EPS15L1: variants seen among roughly 807,000 people sequenced by gnomAD.
EPS15L1 encodes epidermal growth factor receptor substrate 15-like 1.
Under a neutral mutation model 117.1 loss-of-function variants are expected in EPS15L1, and 43 were observed. The observed-to-expected ratio is 0.37, with a 90% CI of 0.29 to 0.47. The LOEUF is 0.47. Among genes scored for constraint, EPS15L1 ranks in the 20% least tolerant of loss-of-function variants. EPS15L1 has a pLI of 0.99. For synonymous variants in EPS15L1, 459 were observed against 470.5 expected (o/e 0.98, Z 0.32); for missense variants, 981 against 1,164.0 (o/e 0.84, Z 2.29).
rs2092356418 is a variant in EPS15L1, at chr19:16,381,027, C to G, written c.2248-3773G>C. On this transcript the variant is annotated intron_variant, in intron 21 of 23. Coordinates refer to ENST00000455140, the MANE Select transcript of EPS15L1 (RefSeq NM_001258374.3). The surrounding 1 kb of genome is among the most constrained non-coding windows in gnomAD (Gnocchi z 4.2). The stretch of plus-strand genomic sequence containing the variant: ...AAGAGGCAGCCTACCCATTCCAGGT[C>G]CCCCCGATAAGGGCAGTGGCAGGTG... Among the ~76,000 whole-genome samples the G allele has an allele frequency of 6.6e-6, 1 of 152,210 alleles. No homozygotes were observed. The highest frequency in any genetic ancestry group is 6.5e-5 in the Admixed American group (1 of 15,292).
intron 13 of EPS15L1, among the ~76,000 whole-genome samples, chr19:16,408,298 G>T (rs2092675973): frequency 6.6e-6 from 1 of 152,102 alleles, no homozygotes; most frequent in African/African-American, 2.4e-5. Context: ...ATCCCAGCTG[G>T]CTTCTTTGCA....
intron 1 of EPS15L1, among the ~76,000 whole-genome samples, chr19:16,453,796 T>C (rs907917810): frequency 5.3e-5 from 8 of 151,434 alleles, no homozygotes; most frequent in African/African-American, 1.9e-4. Context: ...CTCAGCATCA[T>C]GCAATACTCT....
chr19:16,442,216 G>A lies in EPS15L1; in HGVS notation c.37C>T (p.Pro13Ser). 7 of 1,613,378 alleles carry A rather than the reference G, an allele frequency of 4.3e-6. No homozygotes were observed. The highest frequency in any genetic ancestry group is 5.9e-6 in the Non-Finnish European group (7 of 1,179,400). ...APLIPLSQQI[P>S]TGNSLYESYY... ...GATTCATACAACGAATTTCCAGTGG[G>A]AATCTGTAAATGAAACCACAGATAT... The change falls in exon 2 of 24, where the codon CCC becomes TCC. Residue 13 changes from proline to serine, a missense_variant. Pro to Ser is a moderately conservative substitution (Grantham distance 74). This residue lies in a region of EPS15L1 where 37 missense variants were observed against 21.2 expected (regional missense o/e 1.75). Coordinates refer to ENST00000455140, the MANE Select transcript of EPS15L1 (RefSeq NM_001258374.3).
At chr19:16,382,106 G>A (rs558939713) in intron 21 of EPS15L1, among the ~76,000 whole-genome samples, 2 of 152,302 alleles carry the variant, frequency 1.3e-5, no homozygotes, top group Admixed American at 6.5e-5. Flanking sequence ...CAGGCTGACC[G>A]GGGACACCTC....
At chr19:16,469,852 A>C (rs1292527230) in intron 1 of EPS15L1, among the ~76,000 whole-genome samples, 2 of 152,208 alleles carry the variant, frequency 1.3e-5, no homozygotes, top group East Asian at 3.9e-4. Flanking sequence ...CCAACCAAAA[A>C]TTTTGGAATT....
intron 7 of EPS15L1, among the ~76,000 whole-genome samples, chr19:16,431,651 A>G (rs947184785): frequency 6.6e-6 from 1 of 152,194 alleles, no homozygotes; most frequent in African/African-American, 2.4e-5. Context: ...AACTATAGCT[A>G]ACAATAATTT....
intron 1 of EPS15L1, among the ~76,000 whole-genome samples, chr19:16,461,251 C>A (rs1328071893): frequency 6.6e-6 from 1 of 150,682 alleles, no homozygotes; most frequent in Non-Finnish European, 1.5e-5. Flanking sequence ...TTGCAGTGAG[C>A]CGAGATTGCG....
chr19:16,393,904 G>A, intron 18 of EPS15L1, 47 bp downstream of exon 18: 1 of 1,592,668 alleles, frequency 6.3e-7, no homozygotes, highest in African/African-American at 1.3e-5. Flanking sequence ...TTCTGAGCCA[G>A]GACTGGACAC....
chr19:16,403,131 A>G (rs1453660274), intron 15 of EPS15L1, among the ~76,000 whole-genome samples: 1 of 152,202 alleles, frequency 6.6e-6, no homozygotes, highest in Non-Finnish European at 1.5e-5. Context: ...TGTCACAACC[A>G]CTGTGTAGAC....
chr19:16,459,977 G>T (rs1251109193), intron 1 of EPS15L1, among the ~76,000 whole-genome samples: 1 of 152,142 alleles, frequency 6.6e-6, no homozygotes, highest in Non-Finnish European at 1.5e-5. Flanking sequence ...CAACATCTAG[G>T]ATAGAACAAT....
chr19:16,440,986 C>G (rs1184168602), intron 3 of EPS15L1, 77 bp from the exon 4 acceptor site: 1 of 1,389,184 alleles, frequency 7.2e-7, no homozygotes, highest in African/African-American at 1.4e-5. Context: ...GAGCCGCCAC[C>G]ACCCCATCAC....
intron 13 of EPS15L1, among the ~76,000 whole-genome samples, chr19:16,412,424 C>A (rs1157301810): frequency 6.6e-6 from 1 of 151,860 alleles, no homozygotes; most frequent in Admixed American, 6.6e-5. Flanking sequence ...CGCTTGAACC[C>A]AGGAGGCGGA....
chr19:16,359,406 T>C (rs892935948), intron 23 of EPS15L1, among the ~76,000 whole-genome samples: 1 of 152,076 alleles, frequency 6.6e-6, no homozygotes, highest in East Asian at 1.9e-4. Context: ...GGAGAGCTGG[T>C]TATGGATGAT....
Position 16,428,704 on chromosome 19 carries a change from C to A in EPS15L1, c.556G>T (p.Val186Leu), listed in dbSNP as rs2092901963. 1 of 1,611,326 alleles carries A rather than the reference C, an allele frequency of 6.2e-7. No homozygotes were observed. The highest frequency in any genetic ancestry group is 2.2e-5 in the East Asian group (1 of 44,848). ...DGHLDRDEFA[V>L]AMHLVYRALE... The stretch of plus-strand genomic sequence containing the variant: ...GGGGAGGAAACAGCAGGACTTACCA[C>A]AGCGAACTCATCTCGATCCAAGTGC... Residue 186 changes from valine to leucine, a missense_variant and splice_region_variant, in exon 8 of 24, where the codon GTG (valine) becomes TTG (leucine). Transcript: ENST00000455140.
chr19:16,377,323 C>T (rs935497166), intron 21 of EPS15L1, 69 bp from the exon 22 acceptor site: 102 of 1,577,154 alleles, frequency 6.5e-5, no homozygotes, highest in Non-Finnish European at 7.9e-5. Context: ...GTCCACTGAA[C>T]AGACGCTCAT....
At chr19:16,363,606 G>A (rs2092091049) in intron 22 of EPS15L1, among the ~76,000 whole-genome samples, 1 of 152,234 alleles carries the variant, frequency 6.6e-6, no homozygotes, top group Non-Finnish European at 1.5e-5. Flanking sequence ...CTGGGCCTCG[G>A]CAAGGGAAAG....
intron 18 of EPS15L1, among the ~76,000 whole-genome samples, chr19:16,393,091 T>C (rs1568412493): frequency 1.1e-5 from 1 of 93,254 alleles, no homozygotes; most frequent in African/African-American, 4.4e-5. Context: ...ATAATAATAA[T>C]AATAATAATA....
chr19:16,408,408 G>A (rs1259318304), intron 13 of EPS15L1, among the ~76,000 whole-genome samples: 1 of 151,338 alleles, frequency 6.6e-6, no homozygotes, highest in Non-Finnish European at 1.5e-5. Flanking sequence ...CAGATCATCT[G>A]AGGTCAGGAG....
chr19:16,367,280 T>C (rs1345610465), intron 22 of EPS15L1, among the ~76,000 whole-genome samples: 1 of 150,712 alleles, frequency 6.6e-6, no homozygotes, highest in Admixed American at 6.6e-5. Flanking sequence ...TAAAGACAAA[T>C]GAAATTAAAG....
Sources: gnomAD v4.1 joint callset for allele counts (sites outside exome capture counted in the v4.1 genomes callset) on GRCh38, gnomAD v4.1.1 for gene constraint, gnomAD v4.1.1 regional missense constraint, Gnocchi (gnomAD v3.1) non-coding constraint, MANE v1.5 for transcripts, NCBI Gene and HGNC (gene_info 2026-07-23, HGNC 2026-07-21) for gene names.